The following PRKAR1A variants were observed in gnomAD, a reference collection of about 807,000 sequenced individuals.
PRKAR1A encodes the protein cAMP-dependent protein kinase type I-alpha regulatory subunit.
Under a neutral mutation model 52.0 loss-of-function variants are expected in PRKAR1A, and 3 were observed. That is an observed-to-expected ratio of 0.06 (90% CI 0.03 to 0.15). The LOEUF is 0.15. PRKAR1A is among the 10% of genes least tolerant of loss of function. PRKAR1A has a pLI of 1.00. For synonymous variants in PRKAR1A, 188 were observed against 168.4 expected (o/e 1.12, Z -0.90); for missense variants, 240 against 477.4 (o/e 0.50, Z 4.63).
intron 11 of PRKAR1A, chr17:68,541,857 T>C (rs2086312161): frequency 1.8e-6 from 2 of 1,140,566 alleles, no homozygotes; most frequent in African/African-American, 3.1e-5. Flanking sequence ...CCAGGATCAA[T>C]ATGAAATGGG....
At chr17:68,444,271 T>A in the PRKAR1A span, among the ~76,000 whole-genome samples, 1 of 152,228 alleles carries the variant, frequency 6.6e-6, no homozygotes, top group African/African-American at 2.4e-5. Context: ...AAGGGTGTTG[T>A]TATTCTTGGA....
chr17:68,540,153 GA>G, intron 11 of PRKAR1A, among the ~76,000 whole-genome samples: 1 of 152,260 alleles, frequency 6.6e-6, no homozygotes, highest in East Asian at 1.9e-4. Context: ...AGAAGGAAGC[GA>G]AACAAGCAAA....
chr17:68,457,945 T>G, the PRKAR1A span, among the ~76,000 whole-genome samples: 1 of 152,162 alleles, frequency 6.6e-6, no homozygotes, highest in African/African-American at 2.4e-5. Context: ...GTCCGGCAAC[T>G]GCGTCGGGGC....
intron 9 of PRKAR1A, 123 bp from the exon 10 acceptor site, chr17:68,529,791 CTAACTT>C (rs912600989): frequency 1.1e-5 from 10 of 908,256 alleles, no homozygotes; most frequent in African/African-American, 9.9e-5. Flanking sequence ...CATGTGGTGA[CTAACTT>C]TAAAGTCATT....
At chr17:68,417,009 G>A in the PRKAR1A span, among the ~76,000 whole-genome samples, 1 of 152,120 alleles carries the variant, frequency 6.6e-6, no homozygotes, top group African/African-American at 2.4e-5. Flanking sequence ...TCCATTGCTG[G>A]TGAGCTAGTG....
chr17:68,467,754 A>T, the PRKAR1A span, among the ~76,000 whole-genome samples: 1 of 152,122 alleles, frequency 6.6e-6, no homozygotes, highest in Non-Finnish European at 1.5e-5. Context: ...CTTATCTTTC[A>T]TTCTCCTAGC....
At chr17:68,416,662 TTTC>T in the PRKAR1A span, among the ~76,000 whole-genome samples, 2 of 152,192 alleles carry the variant, frequency 1.3e-5, no homozygotes. Context: ...TTGTTCATAT[TTTC>T]TTATTCTTTT....
the PRKAR1A span, among the ~76,000 whole-genome samples, chr17:68,481,065 T>C: frequency 1.7e-4 from 26 of 152,358 alleles, no homozygotes; most frequent in Admixed American, 5.2e-4. Flanking sequence ...TAGCAACAGC[T>C]CACCCTCTTG....
chr17:68,535,741 A>C (rs141955376), downstream of PRKAR1A: 61 of 452,242 alleles, frequency 1.3e-4, no homozygotes, highest in East Asian at 3.4e-3. Flanking sequence ...CGAGCTCCTG[A>C]GACCAAGCGA....
rs2085998894 is a variant in PRKAR1A, at chr17:68,532,323, A to G, written c.*1874A>G. ...ATGCCATAAAATTGCAGTTTCATGT[A>G]TGTATATAATCATGCTCATGTATAT... On this transcript the variant is annotated 3_prime_UTR_variant, in exon 11 of 11. Transcript: ENST00000589228. The G allele has an allele frequency of 2.8e-6, 3 of 1,053,996 alleles. No homozygotes were observed. The highest frequency in any genetic ancestry group is 3.5e-6 in the Non-Finnish European group (3 of 868,812). The allele number at this position is 1,053,996 out of a possible 1,614,324, so 65.3% of individuals were successfully genotyped here.
intron 11 of PRKAR1A, chr17:68,542,657 A>C: frequency 2.0e-6 from 3 of 1,523,030 alleles, no homozygotes; most frequent in Non-Finnish European, 2.7e-6. Context: ...CTTACGATCT[A>C]CTCAGACCCG....
chr17:68,459,412 G>C, the PRKAR1A span, among the ~76,000 whole-genome samples: 1 of 152,206 alleles, frequency 6.6e-6, no homozygotes, highest in African/African-American at 2.4e-5. Context: ...TGGACTTTAT[G>C]GGATAGACCT....
chr17:68,424,236 C>G, the PRKAR1A span, among the ~76,000 whole-genome samples: 1 of 152,192 alleles, frequency 6.6e-6, no homozygotes, highest in Admixed American at 6.5e-5. Context: ...CACTTGCCAG[C>G]CACGTCTCTG....
the PRKAR1A span, among the ~76,000 whole-genome samples, chr17:68,441,710 C>G: frequency 6.6e-6 from 1 of 152,286 alleles, no homozygotes; most frequent in Admixed American, 6.5e-5. Flanking sequence ...CCTTTGCCCA[C>G]CCAGGCCACA....
At chr17:68,429,914 T>C in the PRKAR1A span, 1 of 1,590,778 alleles carries the variant, frequency 6.3e-7, no homozygotes, top group African/African-American at 1.4e-5. Flanking sequence ...TTTTTTCTTT[T>C]CAGGTTTGGG....
the PRKAR1A span, chr17:68,420,163 G>A: frequency 6.2e-7 from 1 of 1,610,986 alleles, no homozygotes; most frequent in Non-Finnish European, 8.5e-7. Context: ...GGGTTAGCGA[G>A]GCATTTGTTG....
At chr17:68,442,339 C>T in the PRKAR1A span, among the ~76,000 whole-genome samples, 1 of 151,896 alleles carries the variant, frequency 6.6e-6, no homozygotes, top group Non-Finnish European at 1.5e-5. Context: ...GTGGTAGGCA[C>T]CTGTAGTCCC....
In PRKAR1A at chr17:68,522,741, C is replaced by T. The variant is rs778341653; in HGVS notation, c.178-15C>T. On this transcript the variant is annotated splice_polypyrimidine_tract_variant and intron_variant, in intron 2 of 10. Transcript: ENST00000589228. ...GCCGAAGGATCTCATTTTGCAAACT[C>T]GTAATTTCTTTCAGGAGGAGGCAAA... is the stretch of plus-strand genomic sequence containing the variant. 11 of 1,613,758 alleles carry T rather than the reference C, an allele frequency of 6.8e-6. No homozygotes were observed. Among genetic ancestry groups the T allele is most frequent in the East Asian group, 2.2e-5 (1 of 44,888 alleles).
chr17:68,524,843 T>C (rs2085735594), intron 5 of PRKAR1A, 69 bp from the exon 6 acceptor site: 4 of 1,260,896 alleles, frequency 3.2e-6, no homozygotes, highest in Non-Finnish European at 4.6e-6. Context: ...AGTTTATTGT[T>C]TTGTAATAAT....
Sources: allele counts gnomAD v4.1 joint callset (sites outside exome capture counted in the v4.1 genomes callset), GRCh38; gene constraint gnomAD v4.1.1; transcripts MANE v1.5; gene names NCBI Gene and HGNC (gene_info 2026-07-23, HGNC 2026-07-21).